Variants in MECOM observed in about 807,000 individuals in gnomAD.
The protein encoded by MECOM is histone-lysine N-methyltransferase MECOM.
A neutral mutation model predicts 116.3 loss-of-function variants in MECOM; 13 were observed. That is an observed-to-expected ratio of 0.11 (90% CI 0.07 to 0.18). MECOM has a LOEUF of 0.18. Ranked by LOEUF, MECOM falls within the 10% of genes least tolerant of loss-of-function variation. The pLI is 1.00. For synonymous variants in MECOM, 528 were observed against 535.2 expected (o/e 0.99, Z 0.19); for missense variants, 1,299 against 1,509.0 (o/e 0.86, Z 2.31).
intron 2 of MECOM, among the ~76,000 whole-genome samples, chr3:169,247,386 A>G (rs1201883224): frequency 6.6e-6 from 1 of 151,808 alleles, no homozygotes; most frequent in African/African-American, 2.4e-5. Context: ...GCTCACCACA[A>G]CCTCCACCTC....
At chr3:169,281,549 G>T (rs1451321676) in intron 2 of MECOM, among the ~76,000 whole-genome samples, 1 of 152,150 alleles carries the variant, frequency 6.6e-6, no homozygotes, top group Non-Finnish European at 1.5e-5. Context: ...TGTGGCTCAT[G>T]CCTGTAATCC....
At chr3:169,093,135 A>G in intron 13 of MECOM, 33 bp from the exon 14 acceptor site, 1 of 1,550,772 alleles carries the variant, frequency 6.4e-7, no homozygotes, top group Non-Finnish European at 8.7e-7. Flanking sequence ...TATGACAAAG[A>G]TTATTGTTTA....
At chr3:169,303,069 A>C (rs1353201129) in intron 2 of MECOM, among the ~76,000 whole-genome samples, 2 of 152,154 alleles carry the variant, frequency 1.3e-5, no homozygotes, top group Admixed American at 1.3e-4. Flanking sequence ...TAAGACAATG[A>C]TCACCCAAAA....
intron 1 of MECOM, among the ~76,000 whole-genome samples, chr3:169,493,728 A>C (rs1753434111): frequency 6.6e-6 from 1 of 152,154 alleles, no homozygotes; most frequent in Non-Finnish European, 1.5e-5. Context: ...CTTTATGAAT[A>C]GGGAAATGAG....
At chr3:169,155,968 C>G (rs763912907) in intron 2 of MECOM, among the ~76,000 whole-genome samples, 1 of 152,170 alleles carries the variant, frequency 6.6e-6, no homozygotes, top group African/African-American at 2.4e-5. Flanking sequence ...ATATTAAAAG[C>G]ATTCACTAAT....
At chr3:169,661,452 A>G (rs534783604) in intron 1 of MECOM, among the ~76,000 whole-genome samples, 1 of 152,314 alleles carries the variant, frequency 6.6e-6, no homozygotes, top group East Asian at 1.9e-4. Context: ...AAACAGTTCC[A>G]CCGGCGCCCT....
intron 1 of MECOM, among the ~76,000 whole-genome samples, chr3:169,542,879 C>T (rs1211392828): frequency 2.6e-5 from 4 of 152,158 alleles, no homozygotes; most frequent in Non-Finnish European, 5.9e-5. Context: ...GAAGCAACTC[C>T]AAACCAAATA....
At chr3:169,214,952 C>T (rs1751238447) in intron 2 of MECOM, among the ~76,000 whole-genome samples, 2 of 148,520 alleles carry the variant, frequency 1.3e-5, no homozygotes, top group South Asian at 2.1e-4. Flanking sequence ...AATGTGAATA[C>T]CCTCTGCAAA....
intron 1 of MECOM, among the ~76,000 whole-genome samples, chr3:169,485,877 A>ATATATAGTATATATG (rs1553867544): frequency 8.0e-5 from 3 of 37,718 alleles, no homozygotes; most frequent in East Asian, 1.8e-3. Context: ...GTATATATGT[A>ATATATAGTATATATG]TATATATGTA....
At chr3:169,659,088 A>AAAAAAGAAAAG (rs1553909425) in intron 1 of MECOM, among the ~76,000 whole-genome samples, 1 of 150,962 alleles carries the variant, frequency 6.6e-6, no homozygotes, top group African/African-American at 2.5e-5. Context: ...AAAAAAAAAA[A>AAAAAAGAAAAG]AAAGAAAGAG....
chr3:169,611,107 T>G lies in MECOM; in HGVS notation c.37+52229A>C, dbSNP rs1312431977. On this transcript the variant is annotated intron_variant, in intron 1 of 16. Transcript: ENST00000651503. The surrounding 1 kb of genome is among the most constrained non-coding windows in gnomAD (Gnocchi z 4.1). ...GAAGTGGAGCTGATAAATCTGTTTT[T>G]GTTGATACTGCTGCTGCTGCGGTTT... is the stretch of plus-strand genomic sequence containing the variant. Among the ~76,000 whole-genome samples the G allele has an allele frequency of 6.6e-6, 1 of 152,234 alleles. No individual in the cohort carries two copies. The highest frequency in any genetic ancestry group is 1.5e-5 in the Non-Finnish European group (1 of 68,046).
At chr3:169,415,456 T>C (rs1338931811) in intron 1 of MECOM, among the ~76,000 whole-genome samples, 2 of 152,188 alleles carry the variant, frequency 1.3e-5, no homozygotes, top group African/African-American at 4.8e-5. Flanking sequence ...TCATCGACAC[T>C]ATGAAGAAAC....
chr3:169,267,539 A>AG (rs1445110534), intron 2 of MECOM, among the ~76,000 whole-genome samples: 1 of 152,086 alleles, frequency 6.6e-6, no homozygotes, highest in Non-Finnish European at 1.5e-5. Flanking sequence ...TGTGGGGCTG[A>AG]GGGGGTGGGC....
chr3:169,257,128 G>A (rs1756966483), intron 2 of MECOM, among the ~76,000 whole-genome samples: 1 of 152,154 alleles, frequency 6.6e-6, no homozygotes, highest in Non-Finnish European at 1.5e-5. Flanking sequence ...TAATATCCAT[G>A]TTTAAAAGAA....
At chr3:169,632,436 C>T (rs1273769386) in intron 1 of MECOM, among the ~76,000 whole-genome samples, 1 of 152,018 alleles carries the variant, frequency 6.6e-6, no homozygotes, top group Non-Finnish European at 1.5e-5. Flanking sequence ...GACAGAATGA[C>T]TCAAACTCCA....
At chr3:169,452,907 T>G (rs1745840506) in intron 1 of MECOM, among the ~76,000 whole-genome samples, 1 of 152,226 alleles carries the variant, frequency 6.6e-6, no homozygotes, top group African/African-American at 2.4e-5. Flanking sequence ...AGCTACATAT[T>G]TTTCCATAGC....
chr3:169,240,227 C>T (rs1405931722), intron 2 of MECOM, among the ~76,000 whole-genome samples: 1 of 152,178 alleles, frequency 6.6e-6, no homozygotes, highest in Non-Finnish European at 1.5e-5. Flanking sequence ...AGCACCATTG[C>T]TTTGCCTCAG....
At chr3:169,212,140 T>C (rs929851508) in intron 2 of MECOM, among the ~76,000 whole-genome samples, 3 of 152,102 alleles carry the variant, frequency 2.0e-5, no homozygotes, top group African/African-American at 7.2e-5. Flanking sequence ...GTAAGATTGA[T>C]TAGAATATAT....
At chr3:169,250,316 C>T (rs111893472) in intron 2 of MECOM, among the ~76,000 whole-genome samples, 1 of 152,156 alleles carries the variant, frequency 6.6e-6, no homozygotes, top group Admixed American at 6.5e-5. Flanking sequence ...GAACATGTAG[C>T]CCAAGGCACT....
Sources: allele counts gnomAD v4.1 joint callset (sites outside exome capture counted in the v4.1 genomes callset), GRCh38; gene constraint gnomAD v4.1.1; non-coding constraint Gnocchi (gnomAD v3.1); transcripts MANE v1.5; gene names NCBI Gene and HGNC (gene_info 2026-07-23, HGNC 2026-07-21).